CNOT10: variants seen among roughly 807,000 people sequenced by gnomAD.
The protein encoded by CNOT10 is CCR4-NOT transcription complex, subunit 10.
A neutral mutation model predicts 94.6 loss-of-function variants in CNOT10; 30 were observed. The ratio of observed to expected loss-of-function variants is 0.32; its 90% confidence interval spans 0.24 to 0.43. The LOEUF (loss-of-function observed/expected upper bound fraction) is 0.43, where lower values mean the gene tolerates loss of function less well. Ranked by LOEUF, CNOT10 falls within the 20% of genes least tolerant of loss-of-function variation. CNOT10 has a pLI of 1.00. For synonymous variants in CNOT10, 289 were observed against 301.6 expected (o/e 0.96, Z 0.43); for missense variants, 759 against 877.2 (o/e 0.87, Z 1.70).
Position 32,727,780 on chromosome 3 carries a change from C to G in CNOT10, c.1125C>G (p.Phe375Leu), listed in dbSNP as rs748817667. The change falls in exon 10 of 19, where the codon TTC becomes TTG. Residue 375 changes from phenylalanine to leucine, a missense_variant. Physicochemically the swap from Phe to Leu is conservative, Grantham distance 22. Transcript: ENST00000328834. ...ACATTGGAAGGCCTCTTGCTGCCTT[C>G]GAATGTCTGATTGAAGCTGTTCAGG... The part of the protein sequence containing the change: ...LLHIGRPLAA[F>L]ECLIEAVQVY... The G allele has an allele frequency of 6.2e-7, 1 of 1,613,894 alleles. No individual in the cohort carries two copies. The highest frequency in any genetic ancestry group is 8.5e-7 in the Non-Finnish European group (1 of 1,179,998).
intron 8 of CNOT10, 92 bp from the exon 9 acceptor site, chr3:32,725,358 G>A: frequency 1.1e-6 from 1 of 919,036 alleles, no homozygotes; most frequent in Non-Finnish European, 1.8e-6. Flanking sequence ...AATGGTAACA[G>A]TGTTAACTCG....
intron 1 of CNOT10, among the ~76,000 whole-genome samples, chr3:32,691,352 G>A (rs867878923): frequency 2.6e-5 from 4 of 151,880 alleles, no homozygotes; most frequent in East Asian, 1.9e-4. Context: ...TAGTAGAGAC[G>A]GGGTTTCACT....
intron 18 of CNOT10, among the ~76,000 whole-genome samples, chr3:32,771,615 T>A (rs538889261): frequency 1.3e-4 from 20 of 151,924 alleles, no homozygotes; most frequent in South Asian, 2.1e-4. Flanking sequence ...ATAATAATAA[T>A]AAATACCTAT....
intron 13 of CNOT10, among the ~76,000 whole-genome samples, chr3:32,754,849 C>T (rs867965685): frequency 5.3e-5 from 8 of 150,150 alleles, no homozygotes; most frequent in South Asian, 2.1e-4. Flanking sequence ...ATCTCAGCTA[C>T]TCTGGGCATA....
At position 32,708,785 on chromosome 3, in the gene CNOT10, T is replaced by C; in HGVS notation, c.395T>C (p.Val132Ala). 1 of 1,612,654 alleles carries C rather than the reference T, an allele frequency of 6.2e-7. No individual in the cohort carries two copies. The highest frequency in any genetic ancestry group is 8.5e-7 in the Non-Finnish European group (1 of 1,179,636). Residue 132 changes from valine (V) to alanine (A), a missense_variant, in exon 4 of 19, where the codon GTT becomes GCT. This residue lies in a region of CNOT10 where 682 missense variants were observed against 799.4 expected (regional missense o/e 0.85). Transcript: ENST00000328834. ...CGGCAGTATACAGAAGCCATATCAGTTGGTGAAAAACTTTATCAGTTCATA... is the reference window on the plus strand; with the variant it reads ...CGGCAGTATACAGAAGCCATATCAGCTGGTGAAAAACTTTATCAGTTCATA... ...HLRQYTEAISVGEKLYQFIEP... is the reference protein window; with the variant it reads ...HLRQYTEAISAGEKLYQFIEP...
intron 1 of CNOT10, among the ~76,000 whole-genome samples, chr3:32,686,331 A>AT (rs1406862060): frequency 6.6e-6 from 1 of 152,216 alleles, no homozygotes; most frequent in Non-Finnish European, 1.5e-5. Flanking sequence ...GGAACTTAAA[A>AT]TTTTTACAGT....
chr3:32,709,870 A>G (rs1383020045), intron 4 of CNOT10, among the ~76,000 whole-genome samples: 2 of 152,132 alleles, frequency 1.3e-5, no homozygotes, highest in Non-Finnish European at 2.9e-5. Context: ...AAATATGCCC[A>G]GCGCAGTGGC....
At chr3:32,772,696 C>T (rs1700967717) in intron 18 of CNOT10, among the ~76,000 whole-genome samples, 1 of 151,756 alleles carries the variant, frequency 6.6e-6, no homozygotes, top group Non-Finnish European at 1.5e-5. Context: ...GACTCTGTCT[C>T]AAAAAAAACC....
At position 32,760,305 on chromosome 3, in the gene CNOT10, C is replaced by T. The variant is rs13326285; in HGVS notation, c.1709+734C>T. ...AATATCATTGTCATTCTAAAATTTT[C>T]CAAAGCACATTATCTTTTCTTTTAC... On this transcript the variant is annotated intron_variant, in intron 14 of 18. Coordinates refer to ENST00000328834, the MANE Select transcript of CNOT10 (RefSeq NM_015442.3). Among the ~76,000 whole-genome samples, 789 of 152,140 alleles carry T rather than the reference C, an allele frequency of 5.2e-3. 10 individuals carry two copies. Among genetic ancestry groups the T allele is most frequent in the African/African-American group, 0.017 (719 of 41,518 alleles).
Position 32,753,527 on chromosome 3 carries a change from AGATT to A in CNOT10, c.1596-5928_1596-5925del. Reference sequence around the variant, plus strand: ...AGCACATTTAAAGTAGTTTCAACCAAGATTGAAATTAAACTGAAAAAGCCAGAGG... The same window carrying A: ...AGCACATTTAAAGTAGTTTCAACCAAGAAATTAAACTGAAAAAGCCAGAGG... On this transcript the variant is annotated intron_variant, in intron 13 of 18. Coordinates refer to ENST00000328834, the MANE Select transcript of CNOT10 (RefSeq NM_015442.3). The A allele has an allele frequency of 2.5e-6, 4 of 1,578,888 alleles. No individual in the cohort carries two copies. In the Middle Eastern group the frequency reaches 6.7e-4, roughly 263 times the overall value.
intron 14 of CNOT10, among the ~76,000 whole-genome samples, chr3:32,760,617 G>GACTTGGAGTGCACTC (rs2125633197): frequency 6.6e-6 from 1 of 152,184 alleles, no homozygotes; most frequent in Non-Finnish European, 1.5e-5. Context: ...GAGTGACACA[G>GACTTGGAGTGCACTC]CAAGACTCCC....
chr3:32,708,620 C>CT (rs772328925), intron 3 of CNOT10, 50 bp from the exon 4 acceptor site: 2 of 1,513,052 alleles, frequency 1.3e-6, no homozygotes, highest in Admixed American at 4.5e-5. Context: ...TTCACTTTTG[C>CT]TTTTTATTTC....
At position 32,708,729 on chromosome 3, in the gene CNOT10, C is replaced by CTATAATCAAGCAGTCATTCTA. The variant is rs1697736343; in HGVS notation, c.359_360insATATAATCAAGCAGTCATTCT (p.Asn115_Tyr121dup). 1 of 1,613,230 alleles carries CTATAATCAAGCAGTCATTCTA rather than the reference C, an allele frequency of 6.2e-7. No homozygotes were observed. The highest frequency in any genetic ancestry group is 8.5e-7 in the Non-Finnish European group (1 of 1,179,658). ...ATGATGTTGAAAACAGCATGTTGTA[C>CTATAATCAAGCAGTCATTCTA]TATAATCAAGCAGTCATTCTTTATC... On this transcript the variant is annotated inframe_insertion, in exon 4 of 19. Transcript: ENST00000328834.
intron 4 of CNOT10, among the ~76,000 whole-genome samples, 187 bp downstream of exon 4, chr3:32,709,007 CA>C (rs899881439): frequency 6.6e-6 from 1 of 152,122 alleles, no homozygotes; most frequent in Non-Finnish European, 1.5e-5. Context: ...TGTCCCTTCC[CA>C]AATTTTGAAG....
Position 32,753,302 on chromosome 3 carries a change from G to A in CNOT10, c.1596-6156G>A, listed in dbSNP as rs896129864. On this transcript the variant is annotated intron_variant, in intron 13 of 18. Coordinates refer to ENST00000328834, the MANE Select transcript of CNOT10 (RefSeq NM_015442.3). ...AGCTCAGAATGGCCCAGAATCTGATGTGTGGACTCATCAGTCAAAAATCAG... is the reference window on the plus strand; with the variant it reads ...AGCTCAGAATGGCCCAGAATCTGATATGTGGACTCATCAGTCAAAAATCAG... The A allele has an allele frequency of 2.0e-5, 19 of 932,474 alleles. No homozygotes were observed. In the South Asian group the frequency reaches 2.1e-4, roughly 10 times the overall value. 57.8% of individuals were successfully genotyped at this position (932,474 alleles called of 1,614,324 possible).
chr3:32,692,993 G>A (rs887925743), intron 1 of CNOT10, among the ~76,000 whole-genome samples: 3 of 152,134 alleles, frequency 2.0e-5, no homozygotes, highest in East Asian at 1.9e-4. Flanking sequence ...ACAGTGAGCC[G>A]TGATCACAGC....
chr3:32,773,349 C>G, intron 18 of CNOT10, 108 bp from the exon 19 acceptor site: 1 of 1,140,682 alleles, frequency 8.8e-7, no homozygotes, highest in Non-Finnish European at 1.2e-6. Context: ...CTGCAGATGA[C>G]AGCTCTTCTA....
intron 9 of CNOT10, 104 bp from the exon 10 acceptor site, chr3:32,727,564 G>T: frequency 1.4e-6 from 1 of 737,912 alleles, no homozygotes; most frequent in Non-Finnish European, 2.3e-6. Context: ...CAGGATTATT[G>T]GTGTTAAACA....
intron 13 of CNOT10, among the ~76,000 whole-genome samples, chr3:32,739,538 C>A (rs1699360477): frequency 6.6e-6 from 1 of 151,874 alleles, no homozygotes; most frequent in South Asian, 2.1e-4. Context: ...CAAAATTAAA[C>A]TTCATTTAGA....
Sources: allele counts gnomAD v4.1 joint callset (sites outside exome capture counted in the v4.1 genomes callset), GRCh38; gene constraint gnomAD v4.1.1; regional missense constraint gnomAD v4.1.1; transcripts MANE v1.5; gene names NCBI Gene and HGNC (gene_info 2026-07-23, HGNC 2026-07-21).